SAMD12: variants seen among roughly 807,000 people sequenced by gnomAD.
The protein encoded by SAMD12 is sterile alpha motif domain containing 12.
Under a neutral mutation model 15.0 loss-of-function variants are expected in SAMD12, and 9 were observed. That is an observed-to-expected ratio of 0.60 (90% CI 0.36 to 1.05). The LOEUF is 1.05. SAMD12 is among the 50% of genes least tolerant of loss of function. SAMD12 has a pLI of 0.01. For missense variants in SAMD12, 230 were observed against 234.2 expected, an observed-to-expected ratio of 0.98 and a Z score of 0.12; for synonymous variants, 86 against 90.1, an observed-to-expected ratio of 0.96 and a Z score of 0.25.
At position 118,430,832 on chromosome 8, in the gene SAMD12, T is replaced by G. The variant is rs1563855745; in HGVS notation, c.322+9000A>C. On this transcript the variant is annotated intron_variant, in intron 3 of 3. Transcript: ENST00000314727. Reference sequence around the variant, plus strand: ...TTCTAGAGAGCATATAGTTAGGCTTTTTTTGCCCCTAATCTGACAATCTCT... The same window carrying G: ...TTCTAGAGAGCATATAGTTAGGCTTGTTTTGCCCCTAATCTGACAATCTCT... Among the ~76,000 whole-genome samples, 3 of 152,216 alleles carry G rather than the reference T, an allele frequency of 2.0e-5. No individual in the cohort carries two copies. The South Asian group carries it at 6.2e-4, about 32-fold the overall frequency.
intron 4 of SAMD12, among the ~76,000 whole-genome samples, chr8:118,245,610 A>G (rs948203144): frequency 1.3e-5 from 2 of 152,158 alleles, no homozygotes; most frequent in Admixed American, 6.6e-5. Flanking sequence ...ACCTGTTTCC[A>G]AAGTCTAGTC....
At chr8:118,139,149 A>G in the SAMD12 span, among the ~76,000 whole-genome samples, 4 of 152,082 alleles carry the variant, frequency 2.6e-5, no homozygotes, top group Non-Finnish European at 5.9e-5. Context: ...GCTAGTCTGC[A>G]TAGGAGGAGC....
the SAMD12 span, among the ~76,000 whole-genome samples, chr8:118,159,359 G>C: frequency 2.0e-5 from 3 of 152,172 alleles, no homozygotes; most frequent in African/African-American, 7.2e-5. Flanking sequence ...ACCACAGCCA[G>C]CATGCCTGGC....
intron 2 of SAMD12, among the ~76,000 whole-genome samples, chr8:118,486,211 G>A (rs1459083045): frequency 1.3e-5 from 2 of 152,052 alleles, no homozygotes; most frequent in Non-Finnish European, 2.9e-5. Context: ...TCAGGAGATA[G>A]AGACCATCCT....
the SAMD12 span, among the ~76,000 whole-genome samples, chr8:118,150,254 G>A: frequency 6.6e-6 from 1 of 152,076 alleles, no homozygotes; most frequent in African/African-American, 2.4e-5. Context: ...ATACCTTCAA[G>A]TATATTATAT....
At chr8:118,545,444 GT>G (rs1436302602) in intron 2 of SAMD12, among the ~76,000 whole-genome samples, 1 of 152,152 alleles carries the variant, frequency 6.6e-6, no homozygotes, top group African/African-American at 2.4e-5. Context: ...TCCAGCCTGG[GT>G]GACAAGAGTG....
chr8:118,269,895 C>T (rs546693995), intron 4 of SAMD12, among the ~76,000 whole-genome samples: 14 of 152,220 alleles, frequency 9.2e-5, no homozygotes, highest in East Asian at 3.9e-4. Flanking sequence ...ACCCAATGTG[C>T]GCAACCCTGG....
chr8:118,285,952 T>C (rs1410535413), intron 4 of SAMD12, among the ~76,000 whole-genome samples: 4 of 151,974 alleles, frequency 2.6e-5, no homozygotes, highest in African/African-American at 9.7e-5. Flanking sequence ...TATAAGAAAA[T>C]GTGGCACATA....
intron 4 of SAMD12, among the ~76,000 whole-genome samples, chr8:118,255,342 C>CTTTAT (rs537481490): frequency 6.6e-6 from 1 of 151,674 alleles, no homozygotes; most frequent in Non-Finnish European, 1.5e-5. Flanking sequence ...ATTAACATTT[C>CTTTAT]TTTATTTTAT....
At chr8:118,246,095 CA>C (rs1366462376) in intron 4 of SAMD12, among the ~76,000 whole-genome samples, 1 of 152,096 alleles carries the variant, frequency 6.6e-6, no homozygotes, top group Non-Finnish European at 1.5e-5. Context: ...ATGTGGGTAT[CA>C]AACACTGTGC....
At chr8:118,568,912 T>C (rs920945522) in intron 2 of SAMD12, among the ~76,000 whole-genome samples, 1 of 152,202 alleles carries the variant, frequency 6.6e-6, no homozygotes, top group African/African-American at 2.4e-5. Flanking sequence ...GAGAAATTAT[T>C]ACCACTGCTC....
chr8:118,345,394 GTATAAGCAA>G (rs1353646281), intron 4 of SAMD12, among the ~76,000 whole-genome samples: 1 of 152,172 alleles, frequency 6.6e-6, no homozygotes, highest in Non-Finnish European at 1.5e-5. Context: ...ATGCATGACT[GTATAAGCAA>G]TAAAGTGATA....
chr8:118,428,182 A>C (rs772746432), intron 3 of SAMD12, among the ~76,000 whole-genome samples: 1 of 152,176 alleles, frequency 6.6e-6, no homozygotes, highest in Non-Finnish European at 1.5e-5. Flanking sequence ...TTAGATATAT[A>C]ATAAAAGTGC....
intron 4 of SAMD12, among the ~76,000 whole-genome samples, chr8:118,338,448 C>T (rs936450944): frequency 1.2e-4 from 18 of 152,066 alleles, no homozygotes; most frequent in African/African-American, 3.9e-4. Context: ...TTTATGTTTA[C>T]TTTTTGAATT....
chr8:118,438,389 A>T (rs573188672), intron 3 of SAMD12, among the ~76,000 whole-genome samples: 5 of 149,314 alleles, frequency 3.3e-5, no homozygotes, highest in East Asian at 1.9e-4. Flanking sequence ...CATTTTTTTT[A>T]AAACATTTAG....
chr8:118,621,895 C>G lies in SAMD12; in HGVS notation c.-79G>C, dbSNP rs763309040. On this transcript the variant is annotated 5_prime_UTR_variant, in exon 1 of 4. Transcript: ENST00000314727. ...CTGCCCCGCGCTCCCCCCTTCCTCT[C>G]GCTTTCGCCTAAATATTCTGCGCTT... 1 of 1,492,288 alleles carries G rather than the reference C, an allele frequency of 6.7e-7. No homozygotes were observed. Among genetic ancestry groups the G allele is most frequent in the Non-Finnish European group, 9.4e-7 (1 of 1,069,040 alleles). 92.4% of individuals were successfully genotyped at this position (1,492,288 alleles called of 1,614,324 possible).
intron 4 of SAMD12, among the ~76,000 whole-genome samples, chr8:118,343,296 C>T (rs1221338450): frequency 1.3e-5 from 2 of 151,826 alleles, no homozygotes; most frequent in Non-Finnish European, 2.9e-5. Flanking sequence ...TCTCTTCCTG[C>T]TTGTGTGGCT....
the SAMD12 span, among the ~76,000 whole-genome samples, chr8:118,136,186 C>A: frequency 1.3e-5 from 2 of 151,946 alleles, no homozygotes; most frequent in Non-Finnish European, 2.9e-5. Context: ...TGTGCCACCA[C>A]ACCTGGCTAA....
chr8:118,340,219 C>T (rs192010857), intron 4 of SAMD12, among the ~76,000 whole-genome samples: 215 of 152,254 alleles, frequency 1.4e-3, no homozygotes, highest in African/African-American at 4.8e-3. Context: ...AACACAAAAG[C>T]TGAGCTGTCT....
Sources: gnomAD v4.1 joint callset for allele counts (sites outside exome capture counted in the v4.1 genomes callset) on GRCh38, gnomAD v4.1.1 for gene constraint, MANE v1.5 for transcripts, NCBI Gene and HGNC (gene_info 2026-07-23, HGNC 2026-07-21) for gene names.